Variants in SOS1 observed in about 807,000 individuals in gnomAD.
The protein encoded by SOS1 is SOS Ras/Rac guanine nucleotide exchange factor 1, also known as son of sevenless homolog 1.
A neutral mutation model predicts 157.6 loss-of-function variants in SOS1; 25 were observed. The ratio of observed to expected loss-of-function variants is 0.16; its 90% CI spans 0.12 to 0.22. SOS1 has a LOEUF of 0.22. SOS1 is among the 10% of genes least tolerant of loss of function. The probability of loss-of-function intolerance (pLI) is 1.00; values close to 1 mark genes in which losing one functional copy is unlikely to be tolerated. For synonymous variants in SOS1, 528 were observed against 534.0 expected (o/e 0.99, Z 0.16); for missense variants, 1,237 against 1,599.1 (o/e 0.77, Z 3.86).
At chr2:39,067,038 T>C (rs1167920650) in intron 2 of SOS1, among the ~76,000 whole-genome samples, 7 of 152,182 alleles carry the variant, frequency 4.6e-5, no homozygotes, top group African/African-American at 2.4e-5. Context: ...CTGAAACTTT[T>C]AGCATTTTTT....
chr2:39,068,632 T>C (rs1383362019), intron 1 of SOS1, among the ~76,000 whole-genome samples: 3 of 152,156 alleles, frequency 2.0e-5, no homozygotes, highest in Non-Finnish European at 4.4e-5. Flanking sequence ...TAACTGTCTA[T>C]ACTTCAGGAA....
At position 39,011,786 on chromosome 2, in the gene SOS1, A is replaced by G. The variant is rs531043233; in HGVS notation, c.2390+340T>C. ...CCTCAAAACAGCCCCAGGAGTAGGT[A>G]CTATCAGTAGCCCCATTTTACTCTT... On this transcript the variant is annotated intron_variant, in intron 14 of 22. Coordinates refer to ENST00000402219, the MANE Select transcript of SOS1 (RefSeq NM_005633.4). Among the ~76,000 whole-genome samples, 3 of 152,324 alleles carry G rather than the reference A, an allele frequency of 2.0e-5. No homozygotes were observed. The South Asian group carries it at 6.2e-4, about 32-fold the overall frequency.
intron 17 of SOS1, among the ~76,000 whole-genome samples, chr2:39,003,932 C>T (rs1324204174): frequency 2.0e-5 from 3 of 152,162 alleles, no homozygotes; most frequent in Admixed American, 1.3e-4. Context: ...TATCTCTATC[C>T]TCTACCCACT....
chr2:39,038,732 C>CAAGAAAAAAAAAAAAAA (rs1670445415), intron 6 of SOS1, among the ~76,000 whole-genome samples: 1 of 18,228 alleles, frequency 5.5e-5, no homozygotes, highest in Non-Finnish European at 9.9e-5. Flanking sequence ...GACTCCGTCT[C>CAAGAAAAAAAAAAAAAA]AAAAAAAAAA....
At position 39,120,657 on chromosome 2, in the gene SOS1, C is replaced by G. The variant is rs1673844980; in HGVS notation, c.-235G>C. Among the ~76,000 whole-genome samples the G allele has an allele frequency of 6.8e-6, 1 of 147,162 alleles. No homozygotes were observed. Among genetic ancestry groups the G allele is most frequent in the Non-Finnish European group, 1.5e-5 (1 of 66,030 alleles). On this transcript the variant is annotated 5_prime_UTR_variant, in exon 1 of 23. Transcript: ENST00000402219. ...GTGGAGAACGGACGCGGCCCGGAGG[C>G]GGCGGCATCCCGCACCACCGCCCCG...
chr2:39,110,061 T>C (rs1254043365), intron 1 of SOS1, among the ~76,000 whole-genome samples: 1 of 151,386 alleles, frequency 6.6e-6, no homozygotes, highest in East Asian at 1.9e-4. Context: ...TGTGTGTGTG[T>C]GTGTGTGTGT....
intron 21 of SOS1, among the ~76,000 whole-genome samples, chr2:38,988,281 C>G (rs994938716): frequency 2.0e-5 from 3 of 152,116 alleles, no homozygotes; most frequent in African/African-American, 7.2e-5. Context: ...TCTAGTGAAT[C>G]TGATTTAAGA....
chr2:39,050,511 AC>A (rs1670971050), intron 6 of SOS1, among the ~76,000 whole-genome samples: 1 of 152,168 alleles, frequency 6.6e-6, no homozygotes, highest in African/African-American at 2.4e-5. Context: ...AGTATCTCTT[AC>A]CCAAAATGAA....
chr2:39,122,572 C>T (rs1185016854), upstream of SOS1, among the ~76,000 whole-genome samples: 2 of 151,996 alleles, frequency 1.3e-5, no homozygotes, highest in East Asian at 3.9e-4. Context: ...AGTTTGAGAC[C>T]AGGCTGGCGA....
At chr2:39,022,464 T>C in intron 10 of SOS1, 106 bp downstream of exon 10, 1 of 849,330 alleles carries the variant, frequency 1.2e-6, no homozygotes, top group Non-Finnish European at 2.0e-6. Context: ...AAAGAGGTCT[T>C]TGGTTGTTAG....
chr2:39,004,739 AT>A (rs1669229209), intron 17 of SOS1, among the ~76,000 whole-genome samples: 1 of 152,170 alleles, frequency 6.6e-6, no homozygotes, highest in Non-Finnish European at 1.5e-5. Context: ...TTTGCAGGAG[AT>A]ACGAAAAATG....
At chr2:39,060,571 G>A (rs1159210637) in intron 2 of SOS1, among the ~76,000 whole-genome samples, 4 of 152,104 alleles carry the variant, frequency 2.6e-5, no homozygotes, top group African/African-American at 9.7e-5. Flanking sequence ...CATTACAGGC[G>A]TGTGCTACCA....
rs763520126 is a variant in SOS1 at position 39,067,679 on chromosome 2, T to C, written c.162A>G (p.Gln54=). ...ALQYVEELIL[Q]LLNMLCQAQP... is the part of the protein sequence containing the mutation. ...GAGCTTGGCATAGCATATTTAATAA[T>C]TGCAAAATTAATTCTTCAACATACT... Residue 54 remains glutamine (Q), a synonymous_variant, in exon 2 of 23, where the codon CAA becomes CAG. Transcript: ENST00000402219. 5.2e-5 allele frequency: 84 copies of C among 1,612,940 alleles called. No individual in the cohort carries two copies. The highest frequency in any genetic ancestry group is 6.3e-5 in the Non-Finnish European group (74 of 1,179,072).
intron 1 of SOS1, among the ~76,000 whole-genome samples, chr2:39,090,387 AT>A (rs1672548900): frequency 6.6e-6 from 1 of 152,036 alleles, no homozygotes; most frequent in Non-Finnish European, 1.5e-5. Flanking sequence ...TACATACAGT[AT>A]TTTTTGTTTG....
At chr2:39,106,452 G>A (rs1364796985) in intron 1 of SOS1, among the ~76,000 whole-genome samples, 4 of 150,218 alleles carry the variant, frequency 2.7e-5, no homozygotes, top group South Asian at 2.1e-4. Context: ...TTAGCCGGGC[G>A]TAGTGGCGGG....
intron 8 of SOS1, 121 bp from the exon 9 acceptor site, chr2:39,024,258 CATCAAATATTCTTTTTAAA>C (rs1476770578): frequency 3.7e-6 from 3 of 810,388 alleles, no homozygotes; most frequent in Non-Finnish European, 6.1e-6. Context: ...TTAAATGTGT[CATCAAATATTCTTTTTAAA>C]AGTGTTTTTC....
In SOS1 at chr2:39,018,653, T is replaced by A. The variant is rs186378890; in HGVS notation, c.1859-3807A>T. Among the ~76,000 whole-genome samples, 17 of 151,940 alleles carry A rather than the reference T, an allele frequency of 1.1e-4. 1 individual carries two copies. The highest frequency in any genetic ancestry group is 3.4e-3 in the Middle Eastern group (1 of 294). On this transcript the variant is annotated intron_variant, in intron 10 of 22. Coordinates refer to ENST00000402219, the MANE Select transcript of SOS1 (RefSeq NM_005633.4). Reference sequence around the variant, plus strand: ...CTTTTTCCTTATGTGCCTATTTTGATTGACATGACATTTTATTTGACAAGG... The same window carrying A: ...CTTTTTCCTTATGTGCCTATTTTGAATGACATGACATTTTATTTGACAAGG...
At chr2:39,058,892 CA>C in intron 2 of SOS1, 88 bp from the exon 3 acceptor site, 1 of 1,030,914 alleles carries the variant, frequency 9.7e-7, no homozygotes, top group Admixed American at 2.2e-5. Context: ...CAAAGAATAC[CA>C]AAAGTAGAGC....
In SOS1 at chr2:39,023,229, G is replaced by C. The variant is rs1669853831; in HGVS notation, c.1203-4C>G. ...ATAAAACCGACATGCAGATTCACTG[G>C]AATAAAGAAAAAGACATTATTAGTA... On this transcript the variant is annotated splice_region_variant and splice_polypyrimidine_tract_variant and intron_variant, in intron 9 of 22. Transcript: ENST00000402219. The C allele has an allele frequency of 6.2e-7, 1 of 1,608,894 alleles. No homozygotes were observed. Among genetic ancestry groups the C allele is most frequent in the East Asian group, 2.2e-5 (1 of 44,838 alleles).
Sources: allele counts gnomAD v4.1 joint callset (sites outside exome capture counted in the v4.1 genomes callset), GRCh38; gene constraint gnomAD v4.1.1; transcripts MANE v1.5; gene names NCBI Gene and HGNC (gene_info 2026-07-23, HGNC 2026-07-21).